The following MTAP variants were observed in gnomAD, a reference collection of about 807,000 sequenced individuals.
MTAP encodes methylthioadenosine phosphorylase.
A neutral mutation model predicts 33.6 loss-of-function variants in MTAP; 33 were observed. The observed-to-expected ratio is 0.98, with a 90% CI of 0.74 to 1.31. MTAP has a LOEUF of 1.31. MTAP is among the 40% of genes most tolerant of loss of function. The pLI is 0.00. For synonymous variants in MTAP, 148 were observed against 125.7 expected (o/e 1.18, Z -1.19); for missense variants, 367 against 360.0 (o/e 1.02, Z -0.16).
downstream of MTAP, among the ~76,000 whole-genome samples, chr9:21,870,477 C>T (rs147147314): frequency 3.9e-5 from 6 of 152,256 alleles, no homozygotes; most frequent in East Asian, 1.2e-3. Flanking sequence ...CTTGCAAAGC[C>T]GTGTATGTTC....
chr9:21,825,563 C>T (rs541984558), intron 4 of MTAP, among the ~76,000 whole-genome samples: 2 of 152,260 alleles, frequency 1.3e-5, no homozygotes, highest in Admixed American at 6.5e-5. Flanking sequence ...TGTGGCCTGG[C>T]ACAGTGGTTC....
At chr9:21,930,813 C>G in intron 1 of MTAP, 1 of 702,488 alleles carries the variant, frequency 1.4e-6, no homozygotes, top group Non-Finnish European at 2.5e-6. Context: ...CAACATCAGA[C>G]AACTCCTAAA....
At chr9:21,852,784 G>T (rs1825548454) in intron 5 of MTAP, among the ~76,000 whole-genome samples, 1 of 149,570 alleles carries the variant, frequency 6.7e-6, no homozygotes, top group African/African-American at 2.5e-5. Flanking sequence ...TTTAAGTTTT[G>T]TACCATGTAC....
At chr9:21,838,216 C>CAA (rs1408566572) in intron 5 of MTAP, among the ~76,000 whole-genome samples, 2 of 152,204 alleles carry the variant, frequency 1.3e-5, no homozygotes, top group Non-Finnish European at 2.9e-5. Context: ...CTGAACCACT[C>CAA]AAAGTTGCAA....
intron 4 of MTAP, among the ~76,000 whole-genome samples, chr9:21,832,169 T>C (rs1824983744): frequency 2.0e-5 from 3 of 152,238 alleles, no homozygotes; most frequent in Admixed American, 6.5e-5. Context: ...TTCTTACTCA[T>C]CAGGAAAGTC....
intron 1 of MTAP, among the ~76,000 whole-genome samples, chr9:21,898,423 A>G (rs551282380): frequency 6.6e-6 from 1 of 152,360 alleles, no homozygotes; most frequent in African/African-American, 2.4e-5. Context: ...AGCAAAAGAA[A>G]CTACTATCAG....
Position 21,802,653 on chromosome 9 carries a change from C to T in MTAP, c.-96C>T. On this transcript the variant is annotated 5_prime_UTR_variant, in exon 1 of 8. Coordinates refer to ENST00000644715, the MANE Select transcript of MTAP (RefSeq NM_002451.4). ...CCCCTGGTCTCCGCACTGCTCACTC[C>T]CGCGCAGTGAGGTTGGCACAGCCAC... 1 of 1,420,332 alleles carries T rather than the reference C, an allele frequency of 7.0e-7. No homozygotes were observed. The highest frequency in any genetic ancestry group is 9.8e-7 in the Non-Finnish European group (1 of 1,016,758). 88.0% of individuals were successfully genotyped at this position (1,420,332 alleles called of 1,614,324 possible). A position where few individuals can be genotyped will look rare whatever the true frequency, so the allele number is the denominator to read the frequency against.
At chr9:21,885,224 G>A (rs559903676) in intron 1 of MTAP, among the ~76,000 whole-genome samples, 1 of 152,206 alleles carries the variant, frequency 6.6e-6, no homozygotes, top group East Asian at 1.9e-4. Context: ...TATAGGCAAA[G>A]TATATCATAC....
At chr9:21,825,355 T>C (rs756772005) in intron 4 of MTAP, among the ~76,000 whole-genome samples, 32 of 152,226 alleles carry the variant, frequency 2.1e-4, no homozygotes, top group Non-Finnish European at 3.8e-4. Context: ...CTGATGTCTT[T>C]CTTGACGTAA....
downstream of MTAP, chr9:21,933,388 A>T (rs1474061876): frequency 6.6e-6 from 1 of 152,122 alleles, no homozygotes; most frequent in Non-Finnish European, 1.5e-5. Flanking sequence ...ATCACCAGAC[A>T]CTCTTAACCA....
At chr9:21,876,256 T>C (rs1162602875) in intron 1 of MTAP, among the ~76,000 whole-genome samples, 1 of 152,182 alleles carries the variant, frequency 6.6e-6, no homozygotes, top group African/African-American at 2.4e-5. Flanking sequence ...TCCTTATAGA[T>C]GCTGTATATT....
chr9:21,895,761 G>C, intron 1 of MTAP, among the ~76,000 whole-genome samples: 1 of 152,222 alleles, frequency 6.6e-6, no homozygotes, highest in East Asian at 1.9e-4. Context: ...GAGGCTGGGG[G>C]AGGGGTGTCT....
At chr9:21,898,997 C>T (rs940220062) in intron 1 of MTAP, among the ~76,000 whole-genome samples, 7 of 151,884 alleles carry the variant, frequency 4.6e-5, no homozygotes, top group African/African-American at 1.7e-4. Flanking sequence ...TGTCCATCAA[C>T]AATAGACCTG....
intron 1 of MTAP, among the ~76,000 whole-genome samples, chr9:21,907,462 C>T (rs553919070): frequency 1.4e-4 from 21 of 152,262 alleles, no homozygotes; most frequent in African/African-American, 4.1e-4. Flanking sequence ...GAGGCTGAAG[C>T]GAGAGGATGG....
chr9:21,881,634 T>G (rs1181123624), intron 1 of MTAP, among the ~76,000 whole-genome samples: 1 of 152,066 alleles, frequency 6.6e-6, no homozygotes, highest in Non-Finnish European at 1.5e-5. Flanking sequence ...GCATTGCTGC[T>G]TGACATCAGT....
chr9:21,815,615 T>A lies in MTAP; in HGVS notation c.120+96T>A, dbSNP rs1042959458. On this transcript the variant is annotated intron_variant, in intron 2 of 7. Transcript: ENST00000644715. ...TAAAAAAAAAAAAAAGAATTGCTTT[T>A]GTTTTGGCAGCCCAGGGCTGTCTGC... The A allele has an allele frequency of 2.3e-5, 21 of 912,046 alleles. No homozygotes were observed. In the African/African-American group the frequency reaches 3.1e-4, roughly 13 times the overall value. 56.5% of individuals were successfully genotyped at this position (912,046 alleles called of 1,614,324 possible). A position where few individuals can be genotyped will look rare whatever the true frequency, so the allele number is the denominator to read the frequency against.
chr9:21,899,221 C>T (rs909971924), intron 1 of MTAP, among the ~76,000 whole-genome samples: 3 of 102,432 alleles, frequency 2.9e-5, no homozygotes, highest in Admixed American at 3.1e-4. Flanking sequence ...CATCACACAC[C>T]GGGGCCTGTT....
At chr9:21,923,085 A>G (rs1478146221) in intron 1 of MTAP, among the ~76,000 whole-genome samples, 3 of 152,098 alleles carry the variant, frequency 2.0e-5, no homozygotes, top group African/African-American at 4.8e-5. Context: ...ATGCCACGCA[A>G]CTTCCTTCTC....
At chr9:21,812,009 G>T in intron 1 of MTAP, 1 of 276,364 alleles carries the variant, frequency 3.6e-6, no homozygotes, top group South Asian at 3.9e-5. Context: ...CCCTGAACAT[G>T]GCAGCTACCA....
Sources: gnomAD v4.1 joint callset for allele counts (sites outside exome capture counted in the v4.1 genomes callset) on GRCh38, gnomAD v4.1.1 for gene constraint, MANE v1.5 for transcripts, NCBI Gene and HGNC (gene_info 2026-07-23, HGNC 2026-07-21) for gene names.